The following CCSAP variants were observed in gnomAD, a reference collection of about 807,000 sequenced individuals.
CCSAP encodes the protein centriole, cilia and spindle associated protein.
Under a neutral mutation model 25.9 loss-of-function variants are expected in CCSAP, and 17 were observed. The ratio of observed to expected loss-of-function variants is 0.66; its 90% CI spans 0.45 to 0.99. The LOEUF (loss-of-function observed/expected upper bound fraction) is 0.99, where lower values mean the gene tolerates loss of function less well. Among genes scored for constraint, CCSAP ranks in the 50% least tolerant of loss-of-function variants. The pLI, the probability that CCSAP is intolerant of heterozygous loss-of-function variation, is 0.00. For synonymous variants in CCSAP, 169 were observed against 157.1 expected (o/e 1.08, Z -0.57); for missense variants, 339 against 367.8 (o/e 0.92, Z 0.64).
intron 2 of CCSAP, among the ~76,000 whole-genome samples, chr1:229,337,678 A>AAAAAAAAAAAAAAAAATAT: frequency 4.6e-4 from 30 of 65,472 alleles, no homozygotes; most frequent in African/African-American, 7.8e-4. Context: ...CTCAAAAAAA[A>AAAAAAAAAAAAAAAAATAT]ATATATATAT....
rs539736168 is a variant in CCSAP at position 229,337,670 on chromosome 1, CAA to C, written c.367+4427_367+4428del. Among the ~76,000 whole-genome samples the C allele has an allele frequency of 3.2e-4, 18 of 56,044 alleles. 1 individual carries two copies. The highest frequency in any genetic ancestry group is 6.2e-4 in the Admixed American group (3 of 4,866). 36.8% of individuals were successfully genotyped at this position (56,044 alleles called of 152,430 possible). A position where few individuals can be genotyped will look rare whatever the true frequency, so the allele number is the denominator to read the frequency against. On this transcript the variant is annotated intron_variant, in intron 2 of 3. Coordinates refer to ENST00000284617, the MANE Select transcript of CCSAP (RefSeq NM_145257.5). ...CTAGACTGGAACAAGATCAAAGGCT[CAA>C]AAAAAAATATATATATATATATATA...
chr1:229,334,307 A>G (rs1658146853), intron 2 of CCSAP, among the ~76,000 whole-genome samples: 1 of 152,256 alleles, frequency 6.6e-6, no homozygotes, highest in Non-Finnish European at 1.5e-5. Flanking sequence ...TTCTTTAAAA[A>G]ATAAATATTT....
chr1:229,339,871 T>A (rs113635673), intron 2 of CCSAP, among the ~76,000 whole-genome samples: 1,841 of 152,232 alleles, frequency 0.012, 41 homozygotes, highest in African/African-American at 0.042. Context: ...GACTGTATTG[T>A]GCAGGTGTGG....
chr1:229,326,205 A>C (rs768935995), intron 3 of CCSAP, among the ~76,000 whole-genome samples: 12 of 152,258 alleles, frequency 7.9e-5, no homozygotes, highest in Non-Finnish European at 1.6e-4. Context: ...AGCTCCTGAG[A>C]GTAAAATGCA....
At chr1:229,332,372 C>T (rs1205693541) in intron 2 of CCSAP, among the ~76,000 whole-genome samples, 2 of 152,124 alleles carry the variant, frequency 1.3e-5, no homozygotes, top group African/African-American at 4.8e-5. Context: ...CAGACAGTGT[C>T]GGAACTGATT....
intron 2 of CCSAP, among the ~76,000 whole-genome samples, chr1:229,339,351 G>A (rs1658277093): frequency 6.6e-6 from 1 of 152,162 alleles, no homozygotes; most frequent in African/African-American, 2.4e-5. Context: ...TAACACATAA[G>A]GAGGAATGCC....
At position 229,322,138 on chromosome 1, in the gene CCSAP, A is replaced by G. The variant is rs1039575728; in HGVS notation, c.*3097T>C. 3 of 152,186 alleles carry G rather than the reference A, an allele frequency of 2.0e-5. No homozygotes were observed. The highest frequency in any genetic ancestry group is 4.4e-5 in the Non-Finnish European group (3 of 68,026). 9.4% of individuals were successfully genotyped at this position (152,186 alleles called of 1,614,324 possible). A position where few individuals can be genotyped will look rare whatever the true frequency, so the allele number is the denominator to read the frequency against. ...TACTGAGAGGCGACTGTACCATAAC[A>G]TTCCATTTACAAAGTGTGTGCCCAG... On this transcript the variant is annotated 3_prime_UTR_variant, in exon 4 of 4. Coordinates refer to ENST00000284617, the MANE Select transcript of CCSAP (RefSeq NM_145257.5).
At chr1:229,339,160 T>A (rs1202112519) in intron 2 of CCSAP, among the ~76,000 whole-genome samples, 1 of 147,548 alleles carries the variant, frequency 6.8e-6, no homozygotes, top group Admixed American at 6.7e-5. Flanking sequence ...AAAACATGAG[T>A]TTGTCTATAA....
chr1:229,326,504 T>C (rs550348852), intron 3 of CCSAP, among the ~76,000 whole-genome samples: 2 of 152,284 alleles, frequency 1.3e-5, no homozygotes, highest in African/African-American at 4.8e-5. Context: ...ACTAAACTCT[T>C]CTGGGTAACT....
intron 3 of CCSAP, 84 bp downstream of exon 3, chr1:229,326,654 A>C: frequency 6.5e-7 from 1 of 1,537,820 alleles, no homozygotes; most frequent in Non-Finnish European, 8.8e-7. Flanking sequence ...CCAGTGGCCA[A>C]AGGACACGAT....
chr1:229,328,053 A>G (rs1202380743), intron 2 of CCSAP, among the ~76,000 whole-genome samples: 1 of 152,170 alleles, frequency 6.6e-6, no homozygotes, highest in Non-Finnish European at 1.5e-5. Context: ...ACTCCAAAAA[A>G]TATCTATTCC....
intron 2 of CCSAP, among the ~76,000 whole-genome samples, chr1:229,334,153 C>T (rs890417878): frequency 5.3e-5 from 8 of 152,178 alleles, no homozygotes; most frequent in Non-Finnish European, 1.2e-4. Context: ...TCACTGTGAC[C>T]TCCACCTCCT....
In CCSAP at chr1:229,342,127, G is replaced by A; in HGVS notation, c.339C>T (p.Ala113=). 1 of 1,341,822 alleles carries A rather than the reference G, an allele frequency of 7.5e-7. No homozygotes were observed. Among genetic ancestry groups the A allele is most frequent in the Non-Finnish European group, 9.6e-7 (1 of 1,046,784 alleles). 83.1% of individuals were successfully genotyped at this position (1,341,822 alleles called of 1,614,324 possible). Residue 113 remains alanine, a synonymous_variant, in exon 2 of 4, where the codon GCC becomes GCT. Transcript: ENST00000284617. The surrounding 1 kb of genome is among the most constrained non-coding windows in gnomAD (Gnocchi z 7.5). ...EQDAEAGDAE[A]EDAEDAALPA... is the part of the protein sequence containing the mutation. ...GCAGAGCCGCGTCCTCCGCGTCCTC[G>A]GCCTCCGCGTCCCCGGCCTCCGCGT...
chr1:229,331,829 A>ATTATTATTT (rs1413001419), intron 2 of CCSAP, among the ~76,000 whole-genome samples: 2 of 142,754 alleles, frequency 1.4e-5, no homozygotes, highest in East Asian at 4.0e-4. Flanking sequence ...TATTATTATT[A>ATTATTATTT]TTTTGAGACA....
At chr1:229,334,241 T>C (rs554154878) in intron 2 of CCSAP, among the ~76,000 whole-genome samples, 71 of 152,340 alleles carry the variant, frequency 4.7e-4, no homozygotes, top group Admixed American at 1.9e-3. Context: ...CACCTAATTT[T>C]TGTATTTTTA....
Position 229,324,605 on chromosome 1 carries a change from TCGC to T in CCSAP, c.*627_*629del. 6.6e-6 allele frequency: 1 copy of T among 152,614 alleles called. No individual in the cohort carries two copies. Among genetic ancestry groups the T allele is most frequent in the African/African-American group, 2.4e-5 (1 of 41,434 alleles). The allele number at this position is 152,614 out of a possible 1,614,324, so 9.5% of individuals were successfully genotyped here. On this transcript the variant is annotated 3_prime_UTR_variant, in exon 4 of 4. Coordinates refer to ENST00000284617, the MANE Select transcript of CCSAP (RefSeq NM_145257.5). ...ATCACTGAAAGAGAAAAAGAGACCCTCGCCCAGCCCAGATAATTCTTAAATATC... is the reference window on the plus strand; with the variant it reads ...ATCACTGAAAGAGAAAAAGAGACCCTCCAGCCCAGATAATTCTTAAATATC...
chr1:229,340,438 G>C lies in CCSAP; in HGVS notation c.367+1661C>G, dbSNP rs746399690. ...ATACAGGCACCATCCATATCACAAC[G>C]CTGCCTAAAAATTGTATTTATATTG... On this transcript the variant is annotated intron_variant, in intron 2 of 3. Transcript: ENST00000284617. 18 of 715,820 alleles carry C rather than the reference G, an allele frequency of 2.5e-5. No homozygotes were observed. The African/African-American group carries it at 2.8e-4, about 11-fold the overall frequency. The allele number at this position is 715,820 out of a possible 1,614,324, so 44.3% of individuals were successfully genotyped here. A position where few individuals can be genotyped will look rare whatever the true frequency, so the allele number is the denominator to read the frequency against.
intron 2 of CCSAP, among the ~76,000 whole-genome samples, chr1:229,341,743 A>C (rs1297166428): frequency 6.6e-6 from 1 of 152,094 alleles, no homozygotes; most frequent in African/African-American, 2.4e-5. Flanking sequence ...TCCTCTGATC[A>C]AAAATGGGCG....
intron 2 of CCSAP, among the ~76,000 whole-genome samples, chr1:229,332,530 A>G (rs531157482): frequency 1.4e-4 from 21 of 152,348 alleles, no homozygotes; most frequent in African/African-American, 4.8e-4. Flanking sequence ...GTTTGAAAAA[A>G]TAGTTTAAAA....
Sources: gnomAD v4.1 joint callset for allele counts (sites outside exome capture counted in the v4.1 genomes callset) on GRCh38, gnomAD v4.1.1 for gene constraint, Gnocchi (gnomAD v3.1) non-coding constraint, MANE v1.5 for transcripts, NCBI Gene and HGNC (gene_info 2026-07-23, HGNC 2026-07-21) for gene names.